WWC2: variants seen among roughly 807,000 people sequenced by gnomAD.
WWC2 encodes protein WWC2.
In WWC2, 101 loss-of-function variants were observed where a neutral mutation model predicts 138.5. The observed-to-expected ratio is 0.73, with a 90% CI of 0.62 to 0.86. The LOEUF (loss-of-function observed/expected upper bound fraction) is 0.86. Ranked by LOEUF, WWC2 falls within the 40% of genes least tolerant of loss-of-function variation. The pLI, the probability that WWC2 is intolerant of heterozygous loss-of-function variation, is 0.00. For missense variants in WWC2, 1,420 were observed against 1,419.4 expected (o/e 1.00, Z -0.01); for synonymous variants, 558 against 538.4 (o/e 1.04, Z -0.50).
chr4:183,122,879 T>C (rs1279899057), intron 1 of WWC2, among the ~76,000 whole-genome samples: 2 of 152,174 alleles, frequency 1.3e-5, no homozygotes, highest in Non-Finnish European at 2.9e-5. Flanking sequence ...TAACAGCCAG[T>C]TCTCAGAAGA....
At chr4:183,122,848 A>C (rs1213146541) in intron 1 of WWC2, among the ~76,000 whole-genome samples, 2 of 152,180 alleles carry the variant, frequency 1.3e-5, no homozygotes, top group Admixed American at 1.3e-4. Context: ...GTAAATGAGA[A>C]AGAAGAAAAT....
chr4:183,262,791 CGT>C (rs775112873), intron 11 of WWC2, among the ~76,000 whole-genome samples: 39 of 149,704 alleles, frequency 2.6e-4, no homozygotes, highest in Admixed American at 2.2e-3. Context: ...TGCGTGCGTG[CGT>C]GTGTGTGTGT....
intron 5 of WWC2, among the ~76,000 whole-genome samples, chr4:183,244,970 C>T (rs537064924): frequency 1.3e-5 from 2 of 152,014 alleles, no homozygotes; most frequent in South Asian, 2.1e-4. Flanking sequence ...AAATCTTAGC[C>T]GCCTGTGATT....
chr4:183,312,879 C>T (rs1739308430), intron 22 of WWC2, among the ~76,000 whole-genome samples: 4 of 152,214 alleles, frequency 2.6e-5, no homozygotes, highest in Admixed American at 2.6e-4. Flanking sequence ...ATTCGTTCTG[C>T]TCTTCTGGGG....
intron 1 of WWC2, among the ~76,000 whole-genome samples, chr4:183,183,672 G>A (rs1333316485): frequency 6.6e-6 from 1 of 152,098 alleles, no homozygotes; most frequent in African/African-American, 2.4e-5. Flanking sequence ...TAGCTCCTTG[G>A]GAGGCTGAGG....
chr4:183,311,997 C>CT (rs1739263214), intron 21 of WWC2, among the ~76,000 whole-genome samples: 1 of 152,136 alleles, frequency 6.6e-6, no homozygotes, highest in Admixed American at 6.5e-5. Flanking sequence ...CCAAAACATT[C>CT]TTTAACTGTA....
chr4:183,268,677 C>T (rs1737586886), intron 14 of WWC2, among the ~76,000 whole-genome samples: 1 of 152,120 alleles, frequency 6.6e-6, no homozygotes. Context: ...ACGTTAAATT[C>T]GTCTGCCCTA....
chr4:183,310,420 AC>A (rs1401760632), intron 21 of WWC2, among the ~76,000 whole-genome samples: 7 of 152,200 alleles, frequency 4.6e-5, no homozygotes, highest in African/African-American at 1.7e-4. Flanking sequence ...TGAGAAAAAA[AC>A]AATATATTGT....
intron 1 of WWC2, among the ~76,000 whole-genome samples, chr4:183,131,202 C>T (rs948655105): frequency 3.3e-5 from 5 of 151,898 alleles, no homozygotes; most frequent in Middle Eastern, 3.2e-3. Flanking sequence ...ACATCTTACA[C>T]GGAAATTAAC....
intron 21 of WWC2, among the ~76,000 whole-genome samples, chr4:183,300,993 G>A (rs10025720): frequency 0.75 from 114,663 of 151,992 alleles, 43,624 homozygotes; most frequent in Non-Finnish European, 0.81. Context: ...AAAGTGGGTT[G>A]GATTTTCTTA....
At chr4:183,297,671 A>G (rs1420754954) in intron 21 of WWC2, among the ~76,000 whole-genome samples, 1 of 152,116 alleles carries the variant, frequency 6.6e-6, no homozygotes, top group African/African-American at 2.4e-5. Flanking sequence ...TGGCCTCCCA[A>G]AGTGCTGGGA....
intron 1 of WWC2, among the ~76,000 whole-genome samples, chr4:183,161,627 T>C (rs1001171810): frequency 1.3e-5 from 2 of 152,202 alleles, no homozygotes; most frequent in African/African-American, 4.8e-5. Context: ...AATATTAAAA[T>C]ACCATATTTT....
At chr4:183,218,331 A>G (rs968371394) in intron 4 of WWC2, among the ~76,000 whole-genome samples, 3 of 152,000 alleles carry the variant, frequency 2.0e-5, no homozygotes, top group Non-Finnish European at 2.9e-5. Context: ...CACACCTATT[A>G]GGAAAGCTAT....
chr4:183,193,479 GTT>G, intron 1 of WWC2, 118 bp from the exon 2 acceptor site: 1 of 679,504 alleles, frequency 1.5e-6, no homozygotes, highest in Non-Finnish European at 2.3e-6. Context: ...TTTATCCTTG[GTT>G]TTTTTTTTTC....
intron 1 of WWC2, among the ~76,000 whole-genome samples, chr4:183,152,455 T>A (rs1211875478): frequency 1.3e-5 from 2 of 150,422 alleles, no homozygotes; most frequent in Admixed American, 1.3e-4. Flanking sequence ...GCTGAGATTG[T>A]GCCACTGCAC....
intron 15 of WWC2, 46 bp downstream of exon 15, chr4:183,269,209 G>A (rs2111377649): frequency 1.3e-6 from 2 of 1,566,650 alleles, no homozygotes; most frequent in South Asian, 1.2e-5. Context: ...CTTAGATTGG[G>A]TGGTCTGAGG....
intron 19 of WWC2, among the ~76,000 whole-genome samples, chr4:183,285,265 GA>G (rs1738208520): frequency 6.6e-6 from 1 of 152,196 alleles, no homozygotes; most frequent in African/African-American, 2.4e-5. Flanking sequence ...ATGAGACAGT[GA>G]GTGTGGGCTA....
At chr4:183,143,690 C>A (rs568087506) in intron 1 of WWC2, among the ~76,000 whole-genome samples, 2 of 151,980 alleles carry the variant, frequency 1.3e-5, no homozygotes, top group East Asian at 3.9e-4. Flanking sequence ...AGCCTGTGGT[C>A]CCAGCTACTT....
In WWC2 at chr4:183,315,808, T is replaced by C; in HGVS notation, c.*79T>C. 1 of 1,236,958 alleles carries C rather than the reference T, an allele frequency of 8.1e-7. No homozygotes were observed. The highest frequency in any genetic ancestry group is 1.1e-6 in the Non-Finnish European group (1 of 894,028). 76.6% of individuals were successfully genotyped at this position (1,236,958 alleles called of 1,614,324 possible). A position where few individuals can be genotyped will look rare whatever the true frequency, so the allele number is the denominator to read the frequency against. On this transcript the variant is annotated 3_prime_UTR_variant, in exon 23 of 23. Transcript: ENST00000403733. ...AAAGACTGAAGATTTGTGTTTTTGT[T>C]TTGGTGTTTGGTTTTTTTTGGTAAC... is the stretch of plus-strand genomic sequence containing the variant.
Sources: allele counts gnomAD v4.1 joint callset (sites outside exome capture counted in the v4.1 genomes callset), GRCh38; gene constraint gnomAD v4.1.1; transcripts MANE v1.5; gene names NCBI Gene and HGNC (gene_info 2026-07-23, HGNC 2026-07-21).